The following KCNIP1 variants were observed in gnomAD, a reference collection of about 807,000 sequenced individuals.
KCNIP1 encodes potassium voltage-gated channel interacting protein 1.
Under a neutral mutation model 33.0 loss-of-function variants are expected in KCNIP1, and 18 were observed. That is an observed-to-expected ratio of 0.55 (90% CI 0.38 to 0.81). The LOEUF (loss-of-function observed/expected upper bound fraction) is 0.81, where lower values mean the gene tolerates loss of function less well. Ranked by LOEUF, KCNIP1 falls within the 30% of genes least tolerant of loss-of-function variation. KCNIP1 has a pLI of 0.00. For missense variants in KCNIP1, 238 were observed against 271.6 expected, an observed-to-expected ratio of 0.88 and a Z score of 0.87; for synonymous variants, 93 against 98.3, an observed-to-expected ratio of 0.95 and a Z score of 0.32.
intron 1 of KCNIP1, among the ~76,000 whole-genome samples, chr5:170,452,141 A>T (rs1451716646): frequency 6.6e-6 from 1 of 152,004 alleles, no homozygotes; most frequent in East Asian, 1.9e-4. Context: ...AACAGAACAA[A>T]ATTCAGGCTT....
intron 1 of KCNIP1, among the ~76,000 whole-genome samples, chr5:170,591,230 A>G (rs1185429689): frequency 6.6e-6 from 1 of 152,240 alleles, no homozygotes; most frequent in East Asian, 1.9e-4. Flanking sequence ...AACCTCTAGC[A>G]CAGCACAGAT....
intron 1 of KCNIP1, chr5:170,383,650 G>T: frequency 6.2e-7 from 1 of 1,612,360 alleles, no homozygotes. Flanking sequence ...GGGATAAAGG[G>T]ATGTGTCCCC....
At chr5:170,636,700 C>T (rs1223182597) in intron 1 of KCNIP1, among the ~76,000 whole-genome samples, 1 of 152,100 alleles carries the variant, frequency 6.6e-6, no homozygotes, top group Non-Finnish European at 1.5e-5. Flanking sequence ...CAGTGTAAAA[C>T]AAGCATAGAA....
intron 1 of KCNIP1, among the ~76,000 whole-genome samples, chr5:170,417,462 G>A (rs1213252313): frequency 1.3e-5 from 2 of 152,170 alleles, no homozygotes; most frequent in Non-Finnish European, 2.9e-5. Context: ...CTGCTTTGCT[G>A]GAACCTTCCA....
chr5:170,416,455 T>C (rs1275794945), intron 1 of KCNIP1, among the ~76,000 whole-genome samples: 1 of 152,148 alleles, frequency 6.6e-6, no homozygotes, highest in East Asian at 1.9e-4. Context: ...CTGAAGAGAC[T>C]CGTCATTCCT....
intron 1 of KCNIP1, among the ~76,000 whole-genome samples, chr5:170,707,205 A>G (rs1199146028): frequency 6.6e-6 from 1 of 152,048 alleles, no homozygotes; most frequent in African/African-American, 2.4e-5. Flanking sequence ...TTTCCAGACA[A>G]AAAGGTCCAC....
At position 170,401,827 on chromosome 5, in the gene KCNIP1, G is replaced by A. The variant is rs565009238; in HGVS notation, c.88+47863G>A. The stretch of plus-strand genomic sequence containing the variant: ...CATGCCAGGCCCTGCACTAGGCCTG[G>A]CACATGGCTCCCTACGGTACTTTCA... On this transcript the variant is annotated intron_variant, in intron 1 of 7. Transcript: ENST00000377360. Among the ~76,000 whole-genome samples the A allele has an allele frequency of 2.6e-5, 4 of 152,038 alleles. No individual in the cohort carries two copies. In the East Asian group the frequency reaches 7.7e-4, roughly 29 times the overall value.
intron 1 of KCNIP1, among the ~76,000 whole-genome samples, chr5:170,355,914 C>T (rs774896850): frequency 6.6e-6 from 1 of 152,214 alleles, no homozygotes; most frequent in South Asian, 2.1e-4. Context: ...GTGTCTTAAC[C>T]GCATCTGTCT....
chr5:170,518,578 T>C (rs1755240061), intron 1 of KCNIP1, among the ~76,000 whole-genome samples: 1 of 152,248 alleles, frequency 6.6e-6, no homozygotes, highest in South Asian at 2.1e-4. Context: ...CAGAGTTAAA[T>C]GTTTCATCTT....
intron 1 of KCNIP1, among the ~76,000 whole-genome samples, chr5:170,563,152 C>T (rs762312429): frequency 6.6e-6 from 1 of 152,212 alleles, no homozygotes; most frequent in Non-Finnish European, 1.5e-5. Flanking sequence ...CATTTACTCA[C>T]CCCCACTCCT....
At chr5:170,521,984 G>A (rs1755379584) in intron 1 of KCNIP1, among the ~76,000 whole-genome samples, 1 of 152,234 alleles carries the variant, frequency 6.6e-6, no homozygotes, top group Admixed American at 6.5e-5. Flanking sequence ...AGCAGAAAAT[G>A]TGGTCTCTGG....
chr5:170,518,332 G>A (rs927420173), intron 1 of KCNIP1, among the ~76,000 whole-genome samples: 1 of 152,178 alleles, frequency 6.6e-6, no homozygotes, highest in Non-Finnish European at 1.5e-5. Context: ...TCCCCCAGGT[G>A]TATTTGTCAA....
chr5:170,704,977 G>A (rs960044362), intron 1 of KCNIP1, among the ~76,000 whole-genome samples: 3 of 152,020 alleles, frequency 2.0e-5, no homozygotes, highest in Admixed American at 1.3e-4. Flanking sequence ...GATTGCTCCC[G>A]GGCTCTCTGG....
chr5:170,712,574 A>G (rs956471427), intron 1 of KCNIP1, among the ~76,000 whole-genome samples: 2 of 152,214 alleles, frequency 1.3e-5, no homozygotes, highest in Non-Finnish European at 2.9e-5. Context: ...GCCATGTGCC[A>G]TCCCATCTCT....
At chr5:170,628,255 C>A (rs1326556589) in intron 1 of KCNIP1, among the ~76,000 whole-genome samples, 1 of 152,144 alleles carries the variant, frequency 6.6e-6, no homozygotes, top group Non-Finnish European at 1.5e-5. Context: ...GCACACACAG[C>A]CACCTCCATC....
chr5:170,664,797 C>T (rs1190672477), intron 1 of KCNIP1, among the ~76,000 whole-genome samples: 1 of 151,988 alleles, frequency 6.6e-6, no homozygotes, highest in Non-Finnish European at 1.5e-5. Context: ...AAAACTAAAG[C>T]AGGGGCCAGA....
At chr5:170,450,720 T>G (rs1396749585) in intron 1 of KCNIP1, among the ~76,000 whole-genome samples, 2 of 152,288 alleles carry the variant, frequency 1.3e-5, no homozygotes, top group African/African-American at 4.8e-5. Context: ...AGTTTCCCCC[T>G]TCTCTTTCTC....
chr5:170,583,739 A>T (rs906530727), intron 1 of KCNIP1, among the ~76,000 whole-genome samples: 1 of 152,196 alleles, frequency 6.6e-6, no homozygotes, highest in African/African-American at 2.4e-5. Context: ...GAGCTGATGG[A>T]AAAAGGGCGG....
At chr5:170,527,542 A>T (rs6873133) in intron 1 of KCNIP1, among the ~76,000 whole-genome samples, 2 of 151,722 alleles carry the variant, frequency 1.3e-5, no homozygotes, top group African/African-American at 2.4e-5. Context: ...GTGTGAGCCA[A>T]GTGCACCCAT....
Sources: gnomAD v4.1 joint callset for allele counts (sites outside exome capture counted in the v4.1 genomes callset) on GRCh38, gnomAD v4.1.1 for gene constraint, MANE v1.5 for transcripts, NCBI Gene and HGNC (gene_info 2026-07-23, HGNC 2026-07-21) for gene names.